TBC1D14: variants seen among roughly 807,000 people sequenced by gnomAD.
The protein encoded by TBC1D14 is TBC1 domain family, member 14.
Under a neutral mutation model 79.0 loss-of-function variants are expected in TBC1D14, and 26 were observed. The observed-to-expected ratio is 0.33, with a 90% CI of 0.24 to 0.46. TBC1D14 has a LOEUF of 0.46. Among genes scored for constraint, TBC1D14 ranks in the 20% least tolerant of loss-of-function variants. The pLI is 1.00. For synonymous variants in TBC1D14, 394 were observed against 349.9 expected, an observed-to-expected ratio of 1.13 and a Z score of -1.40; for missense variants, 769 against 887.6, an observed-to-expected ratio of 0.87 and a Z score of 1.70.
chr4:6,989,262 C>T (rs1242781528), intron 3 of TBC1D14, among the ~76,000 whole-genome samples: 2 of 152,166 alleles, frequency 1.3e-5, no homozygotes, highest in Non-Finnish European at 2.9e-5. Flanking sequence ...CTCATAGTCT[C>T]TCCTCTGGCT....
chr4:6,918,563 C>T (rs576372146), intron 1 of TBC1D14, among the ~76,000 whole-genome samples: 29 of 152,326 alleles, frequency 1.9e-4, no homozygotes, highest in Admixed American at 1.8e-3. Context: ...ATTGTCCCAT[C>T]TTACTGCCGA....
chr4:6,927,257 C>CGGGCTAT (rs1161683959), intron 2 of TBC1D14, among the ~76,000 whole-genome samples: 1 of 151,652 alleles, frequency 6.6e-6, no homozygotes, highest in Non-Finnish European at 1.5e-5. Context: ...AGGCATTTCA[C>CGGGCTAT]GGGCTATGGG....
intron 11 of TBC1D14, among the ~76,000 whole-genome samples, chr4:7,013,995 C>T (rs932887496): frequency 2.0e-5 from 3 of 152,180 alleles, no homozygotes; most frequent in African/African-American, 4.8e-5. Flanking sequence ...ATGATCCACC[C>T]GCCTCGGCCT....
intron 2 of TBC1D14, among the ~76,000 whole-genome samples, chr4:6,935,615 G>T (rs1246768660): frequency 6.6e-6 from 1 of 150,434 alleles, no homozygotes. Context: ...TCTATTGTTT[G>T]TAGTGTTGCT....
Position 6,967,427 on chromosome 4 carries a change from A to T in TBC1D14, c.843+3A>T, listed in dbSNP as rs764889189. On this transcript the variant is annotated splice_donor_region_variant and intron_variant, in intron 3 of 13. Coordinates refer to ENST00000409757, the MANE Select transcript of TBC1D14 (RefSeq NM_020773.3). ...AGGATTCAAAGAGAATACAGAAGGT[A>T]CACAAGATACAAAATCACAGAAATA... is the stretch of plus-strand genomic sequence containing the variant. 6.2e-7 allele frequency: 1 copy of T among 1,611,294 alleles called. No individual in the cohort carries two copies.
At chr4:7,025,954 C>T (rs1317865327) in intron 13 of TBC1D14, among the ~76,000 whole-genome samples, 3 of 152,304 alleles carry the variant, frequency 2.0e-5, no homozygotes, top group African/African-American at 7.2e-5. Context: ...CCTGCATACA[C>T]TCTGCATTGG....
intron 3 of TBC1D14, among the ~76,000 whole-genome samples, chr4:6,977,101 T>TCTCCCC (rs1716805684): frequency 4.0e-5 from 2 of 50,508 alleles, no homozygotes; most frequent in Non-Finnish European, 8.4e-5. Flanking sequence ...ACTGTCTCCC[T>TCTCCCC]CTCCCCACGG....
chr4:6,945,116 T>G (rs1360200619), intron 2 of TBC1D14, among the ~76,000 whole-genome samples: 1 of 152,164 alleles, frequency 6.6e-6, no homozygotes, highest in Non-Finnish European at 1.5e-5. Flanking sequence ...TGAATCTTCA[T>G]GGGCAGGGGC....
intron 3 of TBC1D14, among the ~76,000 whole-genome samples, chr4:6,979,060 A>G (rs1445618648): frequency 6.6e-6 from 1 of 152,212 alleles, no homozygotes; most frequent in African/African-American, 2.4e-5. Context: ...TAGATTGTGA[A>G]AAGTTAATAT....
rs370885699 is a variant in TBC1D14, at chr4:7,025,426, G to A, written c.2016+164G>A. Among the ~76,000 whole-genome samples the A allele has an allele frequency of 4.3e-4, 65 of 152,348 alleles. No homozygotes were observed. The Middle Eastern group carries it at 0.014, about 32-fold the overall frequency. ...TGGAGACGTGGCTGTGCCACAGGGC[G>A]TCTCGGCGGGTCGCCTCCTCTTTGG... is the stretch of plus-strand genomic sequence containing the variant. On this transcript the variant is annotated intron_variant, in intron 13 of 13. Coordinates refer to ENST00000409757, the MANE Select transcript of TBC1D14 (RefSeq NM_020773.3).
chr4:6,960,795 G>C (rs768518301), intron 2 of TBC1D14, among the ~76,000 whole-genome samples: 1 of 152,172 alleles, frequency 6.6e-6, no homozygotes, highest in Non-Finnish European at 1.5e-5. Flanking sequence ...TTCAGCCCCC[G>C]CTGCGTCTCT....
chr4:7,019,053 C>A (rs1020975785), intron 12 of TBC1D14, among the ~76,000 whole-genome samples: 1 of 152,066 alleles, frequency 6.6e-6, no homozygotes, highest in Non-Finnish European at 1.5e-5. Flanking sequence ...GATGGAGTCT[C>A]GCACTTTCAC....
rs368401015 is a variant in TBC1D14, at chr4:6,960,058, A to T, written c.723-7246A>T. Among the ~76,000 whole-genome samples the T allele has an allele frequency of 5.9e-4, 88 of 149,640 alleles. 2 individuals carry two copies. The South Asian group carries it at 0.017, about 29-fold the overall frequency. The stretch of plus-strand genomic sequence containing the variant: ...ATTACAAGACAGTATATGGGTGAAA[A>T]GTTGGCTTTCTACCCTGTGCCCCTT... On this transcript the variant is annotated intron_variant, in intron 2 of 13. Transcript: ENST00000409757.
intron 2 of TBC1D14, among the ~76,000 whole-genome samples, chr4:6,951,297 A>C (rs1560274729): frequency 6.6e-6 from 1 of 152,212 alleles, no homozygotes; most frequent in East Asian, 1.9e-4. Context: ...ATCTCAAAAA[A>C]AATAAACAAC....
At chr4:6,957,469 G>C (rs552219411) in intron 2 of TBC1D14, among the ~76,000 whole-genome samples, 9 of 152,346 alleles carry the variant, frequency 5.9e-5, no homozygotes, top group African/African-American at 2.2e-4. Context: ...TCCTTGCTCT[G>C]TAAAGGTGTT....
At chr4:7,016,589 T>G (rs1342638963) in intron 12 of TBC1D14, among the ~76,000 whole-genome samples, 1 of 152,232 alleles carries the variant, frequency 6.6e-6, no homozygotes, top group Non-Finnish European at 1.5e-5. Context: ...TTTCCCACCT[T>G]TACTTGCAAA....
intron 9 of TBC1D14, among the ~76,000 whole-genome samples, chr4:7,007,034 C>T (rs1357477348): frequency 6.6e-6 from 1 of 152,140 alleles, no homozygotes; most frequent in Admixed American, 6.6e-5. Context: ...TGTCTGCTGG[C>T]GCTTTCTTGG....
chr4:6,998,304 G>A (rs1157428972), intron 5 of TBC1D14, among the ~76,000 whole-genome samples: 1 of 151,112 alleles, frequency 6.6e-6, no homozygotes, highest in Non-Finnish European at 1.5e-5. Flanking sequence ...AGGTTTCAGT[G>A]AGCCAAGATT....
chr4:6,952,299 C>G (rs1477657833), intron 2 of TBC1D14, among the ~76,000 whole-genome samples: 1 of 152,204 alleles, frequency 6.6e-6, no homozygotes, highest in East Asian at 1.9e-4. Flanking sequence ...ATTTGTGTTT[C>G]TAGCCAGTGC....
Sources: allele counts gnomAD v4.1 joint callset (sites outside exome capture counted in the v4.1 genomes callset), GRCh38; gene constraint gnomAD v4.1.1; transcripts MANE v1.5; gene names NCBI Gene and HGNC (gene_info 2026-07-23, HGNC 2026-07-21).